The following CDH12 variants were observed in gnomAD, a reference collection of about 807,000 sequenced individuals.
CDH12 encodes cadherin-12.
In CDH12, 41 loss-of-function variants were observed where a neutral mutation model predicts 74.1. The ratio of observed to expected loss-of-function variants is 0.55; its 90% CI spans 0.43 to 0.72. CDH12 has a LOEUF of 0.72. Among genes scored for constraint, CDH12 ranks in the 30% least tolerant of loss-of-function variants. The pLI is 0.00. For synonymous variants in CDH12, 399 were observed against 355.0 expected, an observed-to-expected ratio of 1.12 and a Z score of -1.39; for missense variants, 945 against 977.2, an observed-to-expected ratio of 0.97 and a Z score of 0.44.
At chr5:22,046,430 C>CTTTTTTTTTTTTTTTTTTTT (rs11323330) in intron 5 of CDH12, among the ~76,000 whole-genome samples, 3 of 100,370 alleles carry the variant, frequency 3.0e-5, no homozygotes, top group African/African-American at 1.3e-4. Context: ...CATTTAATTT[C>CTTTTTTTTTTTTTTTTTTTT]TTTTTTTTTT....
chr5:22,055,819 T>C (rs924886602), intron 5 of CDH12, among the ~76,000 whole-genome samples: 6 of 152,104 alleles, frequency 3.9e-5, no homozygotes, highest in African/African-American at 1.2e-4. Context: ...ATCTTAAATA[T>C]ATTGAATGCC....
chr5:22,763,922 G>A (rs1027127928), intron 1 of CDH12, among the ~76,000 whole-genome samples: 2 of 151,848 alleles, frequency 1.3e-5, no homozygotes, highest in African/African-American at 4.8e-5. Flanking sequence ...CCCCTATGCA[G>A]TAATTGGCTA....
chr5:22,138,531 G>C (rs1459526723), intron 4 of CDH12, among the ~76,000 whole-genome samples: 1 of 151,012 alleles, frequency 6.6e-6, no homozygotes, highest in Non-Finnish European at 1.5e-5. Flanking sequence ...AAAACAAAAT[G>C]AATGTCTTCC....
At chr5:21,947,333 C>T (rs555145616) in intron 6 of CDH12, among the ~76,000 whole-genome samples, 2 of 152,194 alleles carry the variant, frequency 1.3e-5, no homozygotes, top group East Asian at 1.9e-4. Flanking sequence ...CAGAAGAAGA[C>T]AGGAAGTTGT....
intron 3 of CDH12, among the ~76,000 whole-genome samples, chr5:22,379,515 T>C (rs192080009): frequency 6.6e-6 from 1 of 152,244 alleles, no homozygotes; most frequent in Admixed American, 6.5e-5. Flanking sequence ...TATAAAATAA[T>C]GATATCTGTG....
intron 1 of CDH12, chr5:22,580,731 C>T (rs1740046567): frequency 3.1e-6 from 1 of 326,094 alleles, no homozygotes; most frequent in African/African-American, 2.1e-5. Flanking sequence ...AAACCTCATA[C>T]TGCTTTTTCC....
At chr5:22,197,192 C>A (rs1266550610) in intron 4 of CDH12, among the ~76,000 whole-genome samples, 1 of 152,102 alleles carries the variant, frequency 6.6e-6, no homozygotes, top group Non-Finnish European at 1.5e-5. Context: ...TGCCTGTAAT[C>A]CCAGCACTTT....
chr5:22,191,755 G>A (rs1314740624), intron 4 of CDH12, among the ~76,000 whole-genome samples: 1 of 151,036 alleles, frequency 6.6e-6, no homozygotes, highest in African/African-American at 2.4e-5. Flanking sequence ...TAGTAGAGAC[G>A]GGGTTTCACC....
chr5:21,882,477 C>T (rs2150034374), intron 6 of CDH12: 1 of 680,988 alleles, frequency 1.5e-6, no homozygotes, highest in South Asian at 1.7e-5. Flanking sequence ...ATTTATAGTA[C>T]AACTGCCACA....
At chr5:22,308,365 G>A (rs574453124) in intron 3 of CDH12, among the ~76,000 whole-genome samples, 8 of 152,034 alleles carry the variant, frequency 5.3e-5, no homozygotes, top group Non-Finnish European at 8.8e-5. Context: ...GTCATTATCC[G>A]ATTGCCATCT....
chr5:22,055,516 C>T (rs953584627), intron 5 of CDH12, among the ~76,000 whole-genome samples: 1 of 151,994 alleles, frequency 6.6e-6, no homozygotes, highest in African/African-American at 2.4e-5. Flanking sequence ...CTTATTTGTT[C>T]TTCTGAACTC....
chr5:22,626,814 G>A (rs1035072585), intron 1 of CDH12, among the ~76,000 whole-genome samples: 1 of 152,092 alleles, frequency 6.6e-6, no homozygotes, highest in Non-Finnish European at 1.5e-5. Flanking sequence ...TGAGATTCAG[G>A]AGAAAGTTGA....
At chr5:22,788,865 C>T (rs1388330995) in intron 1 of CDH12, among the ~76,000 whole-genome samples, 3 of 151,736 alleles carry the variant, frequency 2.0e-5, no homozygotes, top group Non-Finnish European at 4.4e-5. Context: ...AATTTTCACT[C>T]AAAGAGTCTA....
chr5:22,137,760 C>A (rs970781841), intron 4 of CDH12, among the ~76,000 whole-genome samples: 1 of 152,128 alleles, frequency 6.6e-6, no homozygotes, highest in East Asian at 1.9e-4. Flanking sequence ...GGCACAAGGG[C>A]GCCATAAATA....
At chr5:21,835,942 T>C (rs1749506888) in intron 8 of CDH12, among the ~76,000 whole-genome samples, 1 of 151,854 alleles carries the variant, frequency 6.6e-6, no homozygotes, top group Non-Finnish European at 1.5e-5. Flanking sequence ...TTCTATGTCA[T>C]AAATCTACAG....
At chr5:22,399,295 T>C (rs1192992321) in intron 3 of CDH12, among the ~76,000 whole-genome samples, 2 of 152,104 alleles carry the variant, frequency 1.3e-5, no homozygotes, top group Non-Finnish European at 2.9e-5. Flanking sequence ...AAGAGATGTA[T>C]ATGTGGCAGC....
At chr5:21,822,807 G>A (rs1259473097) in intron 8 of CDH12, among the ~76,000 whole-genome samples, 1 of 152,014 alleles carries the variant, frequency 6.6e-6, no homozygotes, top group Non-Finnish European at 1.5e-5. Flanking sequence ...GAATTGCCAT[G>A]CACACAATAT....
At chr5:22,336,032 T>C (rs930874049) in intron 3 of CDH12, among the ~76,000 whole-genome samples, 6 of 152,086 alleles carry the variant, frequency 3.9e-5, no homozygotes, top group African/African-American at 1.4e-4. Flanking sequence ...GCTGAGGTGG[T>C]TGCAGATGGA....
At position 22,454,493 on chromosome 5, in the gene CDH12, A is replaced by T. The variant is rs571653717; in HGVS notation, c.-427-49142T>A. On this transcript the variant is annotated intron_variant, in intron 2 of 14. Coordinates refer to ENST00000382254, the MANE Select transcript of CDH12 (RefSeq NM_004061.5). ...AATAACAGATTTTTCTTTTTTTTTG[A>T]GATGGAGTCTCATTCTGTCGGCCAG... 3.3e-5 allele frequency among the ~76,000 whole-genome samples: 5 copies of T among 149,412 alleles called. No homozygotes were observed. The Admixed American group carries it at 3.4e-4, about 10-fold the overall frequency.
Sources: gnomAD v4.1 joint callset for allele counts (sites outside exome capture counted in the v4.1 genomes callset) on GRCh38, gnomAD v4.1.1 for gene constraint, MANE v1.5 for transcripts, NCBI Gene and HGNC (gene_info 2026-07-23, HGNC 2026-07-21) for gene names.